Variants in CDH18 observed in about 807,000 individuals in gnomAD.
CDH18 encodes cadherin 18.
In CDH18, 31 loss-of-function variants were observed where a neutral mutation model predicts 67.9. That is an observed-to-expected ratio of 0.46 (90% CI 0.34 to 0.62). The LOEUF is 0.62. Ranked by LOEUF, CDH18 falls within the 20% of genes least tolerant of loss-of-function variation. CDH18 has a pLI of 0.01. For missense variants in CDH18, 890 were observed against 975.5 expected (o/e 0.91, Z 1.17); for synonymous variants, 362 against 347.2 (o/e 1.04, Z -0.48).
At chr5:19,970,125 C>G (rs1410513774) in intron 2 of CDH18, among the ~76,000 whole-genome samples, 1 of 151,558 alleles carries the variant, frequency 6.6e-6, no homozygotes, top group African/African-American at 2.4e-5. Context: ...CAGTAAAGAA[C>G]CATTGAGAAA....
intron 2 of CDH18, among the ~76,000 whole-genome samples, chr5:20,113,696 A>G (rs1429344099): frequency 6.6e-6 from 1 of 152,196 alleles, no homozygotes; most frequent in East Asian, 1.9e-4. Context: ...TTTGTTGGCA[A>G]GACAATAACA....
chr5:19,594,517 T>TTGTGAAGACACAGCA (rs1561428545), intron 6 of CDH18, among the ~76,000 whole-genome samples: 1 of 152,194 alleles, frequency 6.6e-6, no homozygotes, highest in Non-Finnish European at 1.5e-5. Context: ...ATGATTTTAC[T>TTGTGAAGACACAGCA]ACCTGTGTCT....
chr5:20,215,594 C>T (rs557370152), intron 2 of CDH18, among the ~76,000 whole-genome samples: 2 of 151,910 alleles, frequency 1.3e-5, no homozygotes, highest in South Asian at 4.1e-4. Context: ...CTAAAATGAG[C>T]TACCATTTAA....
chr5:20,327,293 T>C (rs1738690921), intron 1 of CDH18, among the ~76,000 whole-genome samples: 1 of 152,232 alleles, frequency 6.6e-6, no homozygotes, highest in African/African-American at 2.4e-5. Flanking sequence ...TCATTTCCTC[T>C]ACTCTCTCTT....
At chr5:20,449,213 A>T (rs961932927) in intron 1 of CDH18, among the ~76,000 whole-genome samples, 17 of 152,096 alleles carry the variant, frequency 1.1e-4, no homozygotes, top group African/African-American at 4.1e-4. Context: ...TAAAAATCTA[A>T]TTTCTATCAT....
chr5:20,437,026 T>C (rs1749220420), intron 1 of CDH18, among the ~76,000 whole-genome samples: 2 of 149,030 alleles, frequency 1.3e-5, no homozygotes. Flanking sequence ...ATAAATAAAA[T>C]ATTTCCAGAA....
rs559120335 is a variant in CDH18 at position 20,558,060 on chromosome 5, CTGAT to C, written c.-580+17398_-580+17401del. Among the ~76,000 whole-genome samples, 3 of 150,984 alleles carry C rather than the reference CTGAT, an allele frequency of 2.0e-5. No homozygotes were observed. The South Asian group carries it at 6.3e-4, about 32-fold the overall frequency. On this transcript the variant is annotated intron_variant, in intron 1 of 14. Coordinates refer to the CDH18 transcript ENST00000507958. ...ATAACATTAATTGTTATATAACAAT[CTGAT>C]TGTTATAGAATTATTTCATTCAGTT... is the stretch of plus-strand genomic sequence containing the variant.
intron 1 of CDH18, among the ~76,000 whole-genome samples, chr5:20,329,922 G>A (rs1335392175): frequency 1.3e-5 from 2 of 151,704 alleles, no homozygotes; most frequent in African/African-American, 4.8e-5. Flanking sequence ...AGTGGATTCT[G>A]GATACTTTAG....
Position 20,291,182 on chromosome 5 carries a change from G to A in CDH18, c.-579-35677C>T, listed in dbSNP as rs957268756. 5.3e-5 allele frequency among the ~76,000 whole-genome samples: 8 copies of A among 152,116 alleles called. No homozygotes were observed. In the East Asian group the frequency reaches 1.2e-3, roughly 22 times the overall value. On this transcript the variant is annotated intron_variant, in intron 1 of 14. Transcript: ENST00000507958. ...AGCATGCCAAGTTTGAAATTTCCTG[G>A]GAAATAGTGAATCAAAGAGTTTTTA...
intron 1 of CDH18, among the ~76,000 whole-genome samples, chr5:20,499,478 G>A (rs145126774): frequency 6.6e-5 from 10 of 152,134 alleles, no homozygotes; most frequent in East Asian, 5.8e-4. Flanking sequence ...GGCTGACTGC[G>A]TAAAAACTGG....
chr5:20,463,304 A>T (rs2150227322), intron 1 of CDH18, among the ~76,000 whole-genome samples: 1 of 144,220 alleles, frequency 6.9e-6, no homozygotes, highest in South Asian at 2.2e-4. Flanking sequence ...TAAAACAAGA[A>T]AAAAAAAAAG....
At chr5:19,960,828 T>G (rs116089640) in intron 2 of CDH18, among the ~76,000 whole-genome samples, 1,503 of 149,722 alleles carry the variant, frequency 0.01, 30 homozygotes, top group African/African-American at 0.035. Context: ...CGCACACAAA[T>G]ATACATACAT....
chr5:19,712,494 G>A (rs2150534725), intron 5 of CDH18, among the ~76,000 whole-genome samples: 1 of 151,960 alleles, frequency 6.6e-6, no homozygotes, highest in East Asian at 1.9e-4. Context: ...AAAGATCAGA[G>A]ATTAGTTCTA....
At chr5:20,256,675 CAGA>C (rs1356535157) in intron 1 of CDH18, among the ~76,000 whole-genome samples, 7 of 151,782 alleles carry the variant, frequency 4.6e-5, no homozygotes, top group African/African-American at 1.2e-4. Flanking sequence ...GCTATAAAGA[CAGA>C]AGAAGATGTG....
intron 7 of CDH18, among the ~76,000 whole-genome samples, chr5:19,575,204 G>A (rs1742125394): frequency 6.6e-6 from 1 of 152,248 alleles, no homozygotes; most frequent in Non-Finnish European, 1.5e-5. Flanking sequence ...TTTATCACAA[G>A]AAACATAGTT....
chr5:20,547,039 C>T (rs185372804), intron 1 of CDH18, among the ~76,000 whole-genome samples: 73 of 151,878 alleles, frequency 4.8e-4, no homozygotes, highest in African/African-American at 1.6e-3. Flanking sequence ...ACAGAGATGG[C>T]GCTAGTGAAA....
chr5:19,910,679 A>G (rs2150137023), intron 2 of CDH18, among the ~76,000 whole-genome samples: 1 of 152,284 alleles, frequency 6.6e-6, no homozygotes, highest in South Asian at 2.1e-4. Context: ...AGGTGTCTGA[A>G]GGCCATACAT....
At chr5:20,390,101 C>T (rs1744706704) in intron 1 of CDH18, among the ~76,000 whole-genome samples, 1 of 152,128 alleles carries the variant, frequency 6.6e-6, no homozygotes. Flanking sequence ...GTCTAAAACA[C>T]CAAAAGCAAT....
intron 11 of CDH18, among the ~76,000 whole-genome samples, chr5:19,496,118 C>T (rs1400260864): frequency 6.6e-6 from 1 of 152,126 alleles, no homozygotes; most frequent in Non-Finnish European, 1.5e-5. Flanking sequence ...TTTGTTATAT[C>T]TTGGTGTTGA....
Sources: gnomAD v4.1 joint callset for allele counts (sites outside exome capture counted in the v4.1 genomes callset) on GRCh38, gnomAD v4.1.1 for gene constraint, MANE v1.5 for transcripts, NCBI Gene and HGNC (gene_info 2026-07-23, HGNC 2026-07-21) for gene names.